The following COL27A1 variants were observed in gnomAD, a reference collection of about 807,000 sequenced individuals.
COL27A1 encodes the protein collagen type XXVII alpha 1 chain, also known as collagen alpha-1(XXVII) chain.
COL27A1 carries 106 observed loss-of-function variants against 251.3 expected under a neutral mutation model. That is an observed-to-expected ratio of 0.42 (90% CI 0.36 to 0.50). The LOEUF is 0.50. Among genes scored for constraint, COL27A1 ranks in the 20% least tolerant of loss-of-function variants. The pLI, the probability that COL27A1 is intolerant of heterozygous loss-of-function variation, is 0.00. For synonymous variants in COL27A1, 1,000 were observed against 986.3 expected, an observed-to-expected ratio of 1.01 and a Z score of -0.26; for missense variants, 2,325 against 2,522.8, an observed-to-expected ratio of 0.92 and a Z score of 1.68.
rs1395490063 is a variant in COL27A1, at chr9:114,290,344, T to G, written c.4368+13T>G. 2 of 1,561,292 alleles carry G rather than the reference T, an allele frequency of 1.3e-6. No individual in the cohort carries two copies. Among genetic ancestry groups the G allele is most frequent in the African/African-American group, 2.7e-5 (2 of 73,972 alleles). ...AGCAGGACAGCAGGTGAGCGGGAAT[T>G]GGCATTAACAGATGGTGGCTCCATT... is the stretch of plus-strand genomic sequence containing the variant. On this transcript the variant is annotated intron_variant, in intron 47 of 60. Transcript: ENST00000356083. This position sits in a 1 kb window ranked among gnomAD's most constrained non-coding sequence, Gnocchi z 4.6.
chr9:114,166,152 C>T (rs1363103209), intron 2 of COL27A1, among the ~76,000 whole-genome samples: 1 of 151,898 alleles, frequency 6.6e-6, no homozygotes, highest in African/African-American at 2.4e-5. Context: ...TCCATCCGTC[C>T]ATCCATCTAC....
At chr9:114,205,900 G>C in intron 9 of COL27A1, 88 bp downstream of exon 9, 1 of 1,247,578 alleles carries the variant, frequency 8.0e-7, no homozygotes, top group South Asian at 1.4e-5. Flanking sequence ...GTGGTGGGCT[G>C]GGGGCCAAGG....
chr9:114,248,694 G>A (rs556446379), intron 24 of COL27A1, among the ~76,000 whole-genome samples: 2 of 152,280 alleles, frequency 1.3e-5, no homozygotes, highest in African/African-American at 4.8e-5. Flanking sequence ...CCAGGGGTGC[G>A]GGTCGGGGGA....
chr9:114,169,453 G>A lies in COL27A1; in HGVS notation c.1898G>A (p.Cys633Tyr). The A allele has an allele frequency of 6.5e-7, 1 of 1,535,046 alleles. No individual in the cohort carries two copies. The highest frequency in any genetic ancestry group is 8.7e-7 in the Non-Finnish European group (1 of 1,143,752). The change falls in exon 3 of 61, where the codon TGT becomes TAT. Residue 633 changes from cysteine (C) to tyrosine (Y), a missense_variant. Physicochemically the swap from Cys to Tyr is radical, Grantham distance 194. This residue lies in a region of COL27A1 where 1,183 missense variants were observed against 1,144.1 expected (regional missense o/e 1.03). Coordinates refer to ENST00000356083, the MANE Select transcript of COL27A1 (RefSeq NM_032888.4). Reference sequence around the variant, plus strand: ...GGGCCTCCGGGACCCAAGGGAGACTGTGGCTTGCCGGTAAGACTGAGTGGG... The same window carrying A: ...GGGCCTCCGGGACCCAAGGGAGACTATGGCTTGCCGGTAAGACTGAGTGGG... ...LMGPPGPKGDCGLPGPPGLPG... is the reference protein window; with the variant it reads ...LMGPPGPKGDYGLPGPPGLPG...
chr9:114,176,003 A>G (rs1827408581), intron 3 of COL27A1, among the ~76,000 whole-genome samples: 1 of 152,210 alleles, frequency 6.6e-6, no homozygotes, highest in Admixed American at 6.5e-5. Context: ...ACTCAAGGCC[A>G]TATACCTAGT....
intron 5 of COL27A1, among the ~76,000 whole-genome samples, chr9:114,184,437 G>A (rs957628543): frequency 2.0e-5 from 3 of 152,242 alleles, no homozygotes; most frequent in African/African-American, 7.2e-5. Flanking sequence ...TGGATCTGTG[G>A]TGTCAGAGTC....
At chr9:114,248,103 C>A (rs1009633219) in intron 24 of COL27A1, among the ~76,000 whole-genome samples, 1 of 152,170 alleles carries the variant, frequency 6.6e-6, no homozygotes, top group Non-Finnish European at 1.5e-5. Flanking sequence ...GCAGTAACAT[C>A]ACTGTCAGAG....
At chr9:114,171,393 G>A (rs1271058819) in intron 3 of COL27A1, among the ~76,000 whole-genome samples, 1 of 152,146 alleles carries the variant, frequency 6.6e-6, no homozygotes, top group Non-Finnish European at 1.5e-5. Context: ...CAGATCTGGG[G>A]GACTGGGGGC....
chr9:114,177,083 G>GCACAGTTCTT (rs1827515461), intron 3 of COL27A1, among the ~76,000 whole-genome samples: 1 of 152,208 alleles, frequency 6.6e-6, no homozygotes, highest in African/African-American at 2.4e-5. Flanking sequence ...TTCACATCAG[G>GCACAGTTCTT]CGCTTAGTTA....
rs141011906 is a variant in COL27A1, at chr9:114,238,828, C to G, written c.2727+1113C>G. On this transcript the variant is annotated intron_variant, in intron 19 of 60. Coordinates refer to ENST00000356083, the MANE Select transcript of COL27A1 (RefSeq NM_032888.4). ...GTGCCAGGAGGCTGTGCAGTGTCCT[C>G]GAGATGAGAACTTGCTGAATCGCCA... is the stretch of plus-strand genomic sequence containing the variant. Among the ~76,000 whole-genome samples the G allele has an allele frequency of 2.0e-5, 3 of 152,240 alleles. No individual in the cohort carries two copies. In the East Asian group the frequency reaches 5.8e-4, roughly 29 times the overall value.
intron 49 of COL27A1, among the ~76,000 whole-genome samples, chr9:114,296,715 C>T (rs886381477): frequency 6.6e-6 from 1 of 152,074 alleles, no homozygotes; most frequent in Admixed American, 6.5e-5. Context: ...ATTTACCCTA[C>T]ATAAATAAGG....
At chr9:114,190,231 A>T (rs1024590512) in intron 5 of COL27A1, among the ~76,000 whole-genome samples, 3 of 152,212 alleles carry the variant, frequency 2.0e-5, no homozygotes, top group Non-Finnish European at 4.4e-5. Flanking sequence ...CAAGGATGAC[A>T]TATATAGGAG....
rs151285311 is a variant in COL27A1 at position 114,169,060 on chromosome 9, G to C, written c.1505G>C (p.Arg502Pro). Residue 502 changes from arginine (R) to proline (P), a missense_variant, in exon 3 of 61, where the codon CGG (arginine) becomes CCG (proline). Physicochemically the swap from Arg to Pro is moderately radical, Grantham distance 103 (BLOSUM62 -2). This residue lies in a region of COL27A1 where 1,183 missense variants were observed against 1,144.1 expected (regional missense o/e 1.03). Transcript: ENST00000356083. Reference sequence around the variant, plus strand: ...ACTCCTGGTTCTACCAGGAGTACTCGGCCACCAGCCACGATGGTACCTCCA... The same window carrying C: ...ACTCCTGGTTCTACCAGGAGTACTCCGCCACCAGCCACGATGGTACCTCCA... ...APTPGSTRST[R>P]PPATMVPPTS... 9.5e-5 allele frequency: 153 copies of C among 1,613,678 alleles called. No homozygotes were observed. The highest frequency in any genetic ancestry group is 1.3e-4 in the Non-Finnish European group (151 of 1,179,928).
Position 114,290,811 on chromosome 9 carries a change from G to T in COL27A1, c.4370G>T (p.Gly1457Val). Reference protein sequence around the residue: ...PGRDGQAGQQGEQGDDGDPGP... With the variant: ...PGRDGQAGQQVEQGDDGDPGP... ...CTCCTCTGCCTGCTTTCTTAACAGG[G>T]GGAGCAGGGAGACGATGGGGACCCT... Residue 1457 changes from glycine to valine, a missense_variant and splice_region_variant, in exon 48 of 61, where the codon GGG (glycine) becomes GTG (valine). By Grantham distance (109) the Gly-to-Val change is moderately radical (BLOSUM62 -3). Transcript: ENST00000356083. This position sits in a 1 kb window ranked among gnomAD's most constrained non-coding sequence, Gnocchi z 4.6. The T allele has an allele frequency of 6.5e-7, 1 of 1,546,270 alleles. No homozygotes were observed.
intron 59 of COL27A1, among the ~76,000 whole-genome samples, chr9:114,308,685 C>T (rs779608006): frequency 1.1e-4 from 16 of 152,192 alleles, no homozygotes; most frequent in Non-Finnish European, 1.8e-4. Flanking sequence ...CTGGAGTTGG[C>T]GCCTGGGTTG....
chr9:114,306,387 C>A, intron 57 of COL27A1, 133 bp from the exon 58 acceptor site: 1 of 833,732 alleles, frequency 1.2e-6, no homozygotes, highest in East Asian at 2.6e-5. Context: ...AAAGAGAAAC[C>A]CAACCCGTGC....
At chr9:114,277,295 G>A (rs571893561) in intron 37 of COL27A1, among the ~76,000 whole-genome samples, 1 of 152,238 alleles carries the variant, frequency 6.6e-6, no homozygotes, top group Non-Finnish European at 1.5e-5. Context: ...AAATGCACAG[G>A]CCTGCTGGCA....
At chr9:114,171,479 T>A (rs1436793739) in intron 3 of COL27A1, among the ~76,000 whole-genome samples, 1 of 151,980 alleles carries the variant, frequency 6.6e-6, no homozygotes, top group South Asian at 2.1e-4. Flanking sequence ...CTTTTTTTTT[T>A]TAGAGACAGG....
At chr9:114,161,981 C>T (rs1182716909) in intron 1 of COL27A1, among the ~76,000 whole-genome samples, 3 of 152,196 alleles carry the variant, frequency 2.0e-5, no homozygotes, top group African/African-American at 7.2e-5. Context: ...AATATCAGCC[C>T]ATGTTGCAGA....
Sources: gnomAD v4.1 joint callset for allele counts (sites outside exome capture counted in the v4.1 genomes callset) on GRCh38, gnomAD v4.1.1 for gene constraint, gnomAD v4.1.1 regional missense constraint, Gnocchi (gnomAD v3.1) non-coding constraint, MANE v1.5 for transcripts, NCBI Gene and HGNC (gene_info 2026-07-23, HGNC 2026-07-21) for gene names.